METTL15: variants seen among roughly 807,000 people sequenced by gnomAD.
METTL15 encodes the protein 12S rRNA N(4)-cytidine methyltransferase METTL15.
Under a neutral mutation model 38.3 loss-of-function variants are expected in METTL15, and 34 were observed. The observed-to-expected ratio is 0.89, with a 90% CI of 0.68 to 1.18. The LOEUF is 1.18. Ranked by LOEUF, METTL15 falls within the 50% of genes most tolerant of loss-of-function variation. The pLI is 0.00. For missense variants in METTL15, 438 were observed against 498.4 expected (o/e 0.88, Z 1.15); for synonymous variants, 162 against 170.9 (o/e 0.95, Z 0.41).
At chr11:28,339,366 G>GA (rs1396948008) in intron 3 of METTL15, among the ~76,000 whole-genome samples, 1 of 151,798 alleles carries the variant, frequency 6.6e-6, no homozygotes, top group Non-Finnish European at 1.5e-5. Context: ...TTAAAAAGCT[G>GA]AAAACTATAA....
intron 4 of METTL15, among the ~76,000 whole-genome samples, chr11:28,243,094 A>AG (rs1412689881): frequency 1.3e-5 from 2 of 151,880 alleles, no homozygotes; most frequent in East Asian, 1.9e-4. Context: ...AAAAAAAAAA[A>AG]CAGTGTGGAA....
chr11:28,336,449 A>G (rs948926534), downstream of METTL15, among the ~76,000 whole-genome samples: 3 of 152,196 alleles, frequency 2.0e-5, no homozygotes, highest in Non-Finnish European at 2.9e-5. Context: ...TTGCAGGACT[A>G]TGAAAGAGTT....
intron 2 of METTL15, among the ~76,000 whole-genome samples, 160 bp from the exon 3 acceptor site, chr11:28,113,158 A>G (rs967619075): frequency 6.6e-6 from 1 of 152,148 alleles, no homozygotes; most frequent in African/African-American, 2.4e-5. Context: ...CTTTGTATAT[A>G]TAAGAAGGGT....
At chr11:28,456,973 G>A (rs1224977812) in intron 6 of METTL15, among the ~76,000 whole-genome samples, 1 of 152,190 alleles carries the variant, frequency 6.6e-6, no homozygotes, top group Non-Finnish European at 1.5e-5. Context: ...CATCATTGCT[G>A]TACCCTGTCT....
intron 4 of METTL15, 76 bp from the exon 5 acceptor site, chr11:28,290,130 C>A: frequency 8.1e-7 from 1 of 1,227,078 alleles, no homozygotes; most frequent in Non-Finnish European, 1.1e-6. Flanking sequence ...AATGTGCTCC[C>A]TTCCATTGAT....
intron 5 of METTL15, among the ~76,000 whole-genome samples, chr11:28,407,345 C>A (rs1004823000): frequency 6.6e-6 from 1 of 152,026 alleles, no homozygotes; most frequent in Admixed American, 6.6e-5. Context: ...TTCTGCACAG[C>A]AAAAGAAACT....
intron 5 of METTL15, among the ~76,000 whole-genome samples, chr11:28,412,324 C>G (rs1425674247): frequency 3.3e-5 from 5 of 150,542 alleles, no homozygotes; most frequent in African/African-American, 7.3e-5. Flanking sequence ...TTACAATGGT[C>G]AAAATATGGA....
At chr11:28,429,298 T>C (rs1314919715) in intron 6 of METTL15, among the ~76,000 whole-genome samples, 1 of 151,780 alleles carries the variant, frequency 6.6e-6, no homozygotes, top group East Asian at 2.0e-4. Context: ...AAGAGTAACT[T>C]GAAATATTGG....
chr11:28,371,146 C>A (rs998848463), intron 5 of METTL15, among the ~76,000 whole-genome samples: 12 of 152,040 alleles, frequency 7.9e-5, no homozygotes, highest in African/African-American at 2.9e-4. Context: ...TGGAGTGTTT[C>A]CCCAATGTTT....
intron 3 of METTL15, among the ~76,000 whole-genome samples, chr11:28,182,638 A>G (rs1190943134): frequency 2.0e-5 from 3 of 152,082 alleles, no homozygotes; most frequent in Non-Finnish European, 2.9e-5. Context: ...TAACAGTTCC[A>G]TGCTGTTTTG....
intron 5 of METTL15, among the ~76,000 whole-genome samples, chr11:28,363,972 T>C (rs1414616350): frequency 1.3e-5 from 2 of 152,176 alleles, no homozygotes; most frequent in Non-Finnish European, 2.9e-5. Context: ...GTTGATTTTG[T>C]CCCAGGTCCA....
intron 5 of METTL15, among the ~76,000 whole-genome samples, chr11:28,366,459 A>G (rs1228332421): frequency 6.6e-6 from 1 of 151,258 alleles, no homozygotes; most frequent in Non-Finnish European, 1.5e-5. Flanking sequence ...TAGAAACTAT[A>G]AAGAAGCAGA....
intron 6 of METTL15, among the ~76,000 whole-genome samples, chr11:28,327,043 T>C (rs1350174182): frequency 3.9e-5 from 6 of 152,102 alleles, no homozygotes; most frequent in African/African-American, 1.4e-4. Context: ...GGTACCAGTA[T>C]AAAGGAAGGA....
intron 5 of METTL15, among the ~76,000 whole-genome samples, chr11:28,293,327 T>G (rs370833403): frequency 8.2e-4 from 125 of 152,266 alleles, no homozygotes; most frequent in Non-Finnish European, 1.5e-3. Context: ...TTTCCCCATT[T>G]CTTGTTTTTG....
intron 6 of METTL15, among the ~76,000 whole-genome samples, chr11:28,475,106 A>C (rs1851334503): frequency 6.6e-6 from 1 of 152,172 alleles, no homozygotes; most frequent in African/African-American, 2.4e-5. Context: ...TCACCTGGGC[A>C]AGAGTTGATT....
intron 4 of METTL15, among the ~76,000 whole-genome samples, chr11:28,250,240 A>G (rs982019081): frequency 6.6e-6 from 1 of 152,056 alleles, no homozygotes; most frequent in Non-Finnish European, 1.5e-5. Context: ...TATATACCCA[A>G]TAATGAGATT....
chr11:28,218,988 G>A (rs1055219006), intron 4 of METTL15, among the ~76,000 whole-genome samples: 14 of 152,078 alleles, frequency 9.2e-5, no homozygotes, highest in East Asian at 1.9e-4. Context: ...TTTTTGCATC[G>A]ATGTTCATCA....
At chr11:28,497,619 G>C (rs1336067373) in intron 6 of METTL15, among the ~76,000 whole-genome samples, 1 of 152,184 alleles carries the variant, frequency 6.6e-6, no homozygotes, top group Non-Finnish European at 1.5e-5. Flanking sequence ...TAGAGGCTGG[G>C]AAGTCCATAT....
At chr11:28,241,891 A>G (rs1205621320) in intron 4 of METTL15, among the ~76,000 whole-genome samples, 3 of 152,184 alleles carry the variant, frequency 2.0e-5, no homozygotes. Flanking sequence ...AGATCATGCA[A>G]GAGCTTTTTA....
Sources: gnomAD v4.1 joint callset for allele counts (sites outside exome capture counted in the v4.1 genomes callset) on GRCh38, gnomAD v4.1.1 for gene constraint, MANE v1.5 for transcripts, NCBI Gene and HGNC (gene_info 2026-07-23, HGNC 2026-07-21) for gene names.